FAM53A: variants seen among roughly 807,000 people sequenced by gnomAD.
FAM53A encodes family with sequence similarity 53 member A.
A neutral mutation model predicts 26.6 loss-of-function variants in FAM53A; 28 were observed. The observed-to-expected ratio is 1.05, with a 90% CI of 0.78 to 1.45. The LOEUF is 1.45. FAM53A is among the 40% of genes most tolerant of loss of function. The pLI, the probability that FAM53A is intolerant of heterozygous loss-of-function variation, is 0.00. For synonymous variants in FAM53A, 290 were observed against 253.1 expected, an observed-to-expected ratio of 1.15 and a Z score of -1.38; for missense variants, 650 against 575.8, an observed-to-expected ratio of 1.13 and a Z score of -1.32.
downstream of FAM53A, among the ~76,000 whole-genome samples, chr4:1,615,282 GCCCA>G (rs1714766883): frequency 7.0e-6 from 1 of 143,336 alleles, no homozygotes; most frequent in African/African-American, 2.7e-5. Flanking sequence ...CCCTACCTGG[GCCCA>G]CACGGAAGAC....
At chr4:1,670,011 A>G (rs1006121179) in intron 1 of FAM53A, among the ~76,000 whole-genome samples, 2 of 152,130 alleles carry the variant, frequency 1.3e-5, no homozygotes, top group African/African-American at 2.4e-5. Context: ...CACCACCACC[A>G]ATGAAGGCAA....
At position 1,650,398 on chromosome 4, in the gene FAM53A, T is replaced by C. The variant is rs1166258206; in HGVS notation, c.882+4580A>G. The stretch of plus-strand genomic sequence containing the variant: ...CAGGTGTGGTGTTTGTGAGGTGGCA[T>C]AGGCGTGGTGTTTGACTGTGAGGTG... On this transcript the variant is annotated intron_variant, in intron 4 of 4. Coordinates refer to ENST00000308132, the MANE Select transcript of FAM53A (RefSeq NM_001174070.3). 9.2e-3 allele frequency among the ~76,000 whole-genome samples: 725 copies of C among 78,764 alleles called. 82 individuals carry two copies. The highest frequency in any genetic ancestry group is 0.035 in the African/African-American group (662 of 18,848). The allele number at this position is 78,764 out of a possible 152,430, so 51.7% of individuals were successfully genotyped here. A position where few individuals can be genotyped will look rare whatever the true frequency, so the allele number is the denominator to read the frequency against.
chr4:1,605,215 C>T, the FAM53A span, among the ~76,000 whole-genome samples: 9 of 152,154 alleles, frequency 5.9e-5, no homozygotes, highest in South Asian at 2.1e-4. This position sits in a 1 kb window ranked among gnomAD's most constrained non-coding sequence, Gnocchi z 5.7. Context: ...GGGTTGTTTC[C>T]GCTCCACAAC....
At chr4:1,671,062 C>A (rs1296638150) in intron 1 of FAM53A, among the ~76,000 whole-genome samples, 2 of 148,134 alleles carry the variant, frequency 1.4e-5, no homozygotes, top group African/African-American at 5.0e-5. Context: ...GTCAGAGCCA[C>A]CAGCTCACAG....
rs781397074 is a variant in FAM53A at position 1,668,777 on chromosome 4, G to A, written c.-36C>T. On this transcript the variant is annotated 5_prime_UTR_variant, in exon 2 of 5. Transcript: ENST00000308132. ...CCGTGTCCTCCGTCCACACCAACAG[G>A]CACTGGAGTCCTGGAACATCAGACT... The A allele has an allele frequency of 4.1e-5, 65 of 1,602,434 alleles. No individual in the cohort carries two copies. In the Admixed American group the frequency reaches 1.1e-3, roughly 27 times the overall value.
Position 1,647,322 on chromosome 4 carries a change from G to A in FAM53A, c.883-5715C>T, listed in dbSNP as rs181387456. ...TGCACTCCAGCCCGGGTGACAGAGC[G>A]AGACTCCATCTCGGGAAAAAAAAAA... On this transcript the variant is annotated intron_variant, in intron 4 of 4. Transcript: ENST00000308132. Among the ~76,000 whole-genome samples, 59 of 150,576 alleles carry A rather than the reference G, an allele frequency of 3.9e-4. No individual in the cohort carries two copies. The East Asian group carries it at 4.7e-3, about 12-fold the overall frequency.
In FAM53A at chr4:1,655,775, C is replaced by T. The variant is rs773263696; in HGVS notation, c.137-52G>A. ...GGGAAGAGACAGGTGAGCCACAGGG[C>T]AGGCGACATCCATCCCGGCAAACAG... On this transcript the variant is annotated intron_variant, in intron 3 of 4. Transcript: ENST00000308132. 6 of 1,466,822 alleles carry T rather than the reference C, an allele frequency of 4.1e-6. No homozygotes were observed. In the Admixed American group the frequency reaches 1.5e-4, roughly 36 times the overall value. The allele number at this position is 1,466,822 out of a possible 1,614,324, so 90.9% of individuals were successfully genotyped here.
intron 1 of FAM53A, among the ~76,000 whole-genome samples, chr4:1,675,090 C>T (rs1714950427): frequency 6.6e-6 from 1 of 152,184 alleles, no homozygotes; most frequent in African/African-American, 2.4e-5. Flanking sequence ...AAGGCAGTGA[C>T]ATTGAAGCCA....
intron 1 of FAM53A, among the ~76,000 whole-genome samples, chr4:1,671,622 C>A (rs1328519699): frequency 6.6e-6 from 1 of 152,102 alleles, no homozygotes; most frequent in Non-Finnish European, 1.5e-5. Flanking sequence ...CAGCCACGGC[C>A]CGGACTCACC....
chr4:1,584,159 TC>T, the FAM53A span, among the ~76,000 whole-genome samples: 1 of 152,266 alleles, frequency 6.6e-6, no homozygotes, highest in African/African-American at 2.4e-5. Flanking sequence ...GAATTCTTTG[TC>T]AAACAGAATC....
intron 4 of FAM53A, among the ~76,000 whole-genome samples, chr4:1,652,366 A>AAC (rs565733180): frequency 7.4e-6 from 1 of 135,806 alleles, no homozygotes; most frequent in Non-Finnish European, 1.6e-5. Context: ...TCACACGCAC[A>AAC]ACACACACAA....
At chr4:1,646,178 G>C (rs1712225480) in intron 4 of FAM53A, among the ~76,000 whole-genome samples, 1 of 151,798 alleles carries the variant, frequency 6.6e-6, no homozygotes, top group Admixed American at 6.6e-5. Flanking sequence ...TCGGCTCACT[G>C]CAACCTCCGC....
upstream of FAM53A, among the ~76,000 whole-genome samples, chr4:1,684,743 C>T (rs1360980441): frequency 2.6e-5 from 4 of 152,180 alleles, no homozygotes; most frequent in Non-Finnish European, 5.9e-5. Context: ...GCCGCCTTCC[C>T]GCCTGCCGTC....
chr4:1,638,291 A>G (rs935687771), downstream of FAM53A, among the ~76,000 whole-genome samples: 33 of 151,902 alleles, frequency 2.2e-4, no homozygotes, highest in Non-Finnish European at 2.4e-4. Context: ...GCTCACTCGC[A>G]CACACACGCC....
chr4:1,578,547 G>A, the FAM53A span, among the ~76,000 whole-genome samples: 3 of 151,714 alleles, frequency 2.0e-5, no homozygotes, highest in Non-Finnish European at 4.4e-5. Flanking sequence ...GGCATCACAC[G>A]GGCCTTGCTG....
the FAM53A span, chr4:1,580,124 TTTAAA>T: frequency 6.6e-6 from 1 of 152,216 alleles, no homozygotes; most frequent in African/African-American, 2.4e-5. Flanking sequence ...TTGATAGATT[TTTAAA>T]TTAAACTTTA....
chr4:1,613,085 C>G (rs575554582), downstream of FAM53A, among the ~76,000 whole-genome samples: 4 of 152,356 alleles, frequency 2.6e-5, no homozygotes, highest in South Asian at 6.2e-4. Flanking sequence ...CCGGCAGGGA[C>G]AAGCTACTCG....
chr4:1,620,677 A>G (rs1714989527), intron 1 of FAM53A, among the ~76,000 whole-genome samples: 2 of 149,030 alleles, frequency 1.3e-5, no homozygotes, highest in Non-Finnish European at 3.0e-5. Flanking sequence ...CACAAAAAAA[A>G]AGAAAAAGAA....
At chr4:1,600,230 G>A in the FAM53A span, among the ~76,000 whole-genome samples, 1 of 152,268 alleles carries the variant, frequency 6.6e-6, no homozygotes, top group East Asian at 1.9e-4. Flanking sequence ...TACTCCAGAA[G>A]GGGTCAGAGT....
Sources: gnomAD v4.1 joint callset for allele counts (sites outside exome capture counted in the v4.1 genomes callset) on GRCh38, gnomAD v4.1.1 for gene constraint, Gnocchi (gnomAD v3.1) non-coding constraint, MANE v1.5 for transcripts, NCBI Gene and HGNC (gene_info 2026-07-23, HGNC 2026-07-21) for gene names.